Variants in PTPRN2 observed in about 807,000 individuals in gnomAD.
PTPRN2 encodes protein tyrosine phosphatase receptor type N2, also known as receptor-type tyrosine-protein phosphatase N2.
A neutral mutation model predicts 118.8 loss-of-function variants in PTPRN2; 74 were observed. The ratio of observed to expected loss-of-function variants is 0.62; its 90% CI spans 0.52 to 0.76. The LOEUF (loss-of-function observed/expected upper bound fraction) is 0.76, where lower values mean the gene tolerates loss of function less well. PTPRN2 is among the 30% of genes least tolerant of loss of function. PTPRN2 has a pLI of 0.00. For missense variants in PTPRN2, 1,481 were observed against 1,394.4 expected, an observed-to-expected ratio of 1.06 and a Z score of -0.99; for synonymous variants, 641 against 608.0, an observed-to-expected ratio of 1.05 and a Z score of -0.80.
At chr7:158,383,350 G>T (rs1811105559) in intron 2 of PTPRN2, among the ~76,000 whole-genome samples, 1 of 152,178 alleles carries the variant, frequency 6.6e-6, no homozygotes. Context: ...ATTTGCTTCA[G>T]AACAGAGCAA....
At chr7:158,248,619 TACACACGCAC>T (rs1563035078) in intron 3 of PTPRN2, among the ~76,000 whole-genome samples, 1 of 143,618 alleles carries the variant, frequency 7.0e-6, no homozygotes, top group Non-Finnish European at 1.5e-5. Flanking sequence ...TACATGCACA[TACACACGCAC>T]ACACACCACA....
intron 2 of PTPRN2, among the ~76,000 whole-genome samples, chr7:158,472,960 C>T (rs1449383241): frequency 1.3e-5 from 2 of 151,480 alleles, no homozygotes; most frequent in African/African-American, 4.9e-5. Context: ...GCCCACACTG[C>T]ACTGCTGAGC....
At chr7:157,720,932 G>A (rs1024232754) in intron 12 of PTPRN2, among the ~76,000 whole-genome samples, 6 of 152,194 alleles carry the variant, frequency 3.9e-5, no homozygotes, top group Admixed American at 1.3e-4. Context: ...AGCCCCTCGC[G>A]AGTTGAGGAA....
chr7:157,707,253 C>T (rs112173475), intron 12 of PTPRN2, among the ~76,000 whole-genome samples: 38,840 of 151,814 alleles, frequency 0.26, 5,451 homozygotes, highest in Non-Finnish European at 0.3. Context: ...TACACAGAAA[C>T]ACACACACCA....
At position 157,771,885 on chromosome 7, in the gene PTPRN2, CACAG is replaced by C. The variant is rs903950715; in HGVS notation, c.1789-88952_1789-88949del. 1.9e-4 allele frequency among the ~76,000 whole-genome samples: 28 copies of C among 150,270 alleles called. No individual in the cohort carries two copies. In the South Asian group the frequency reaches 5.6e-3, roughly 30 times the overall value. On this transcript the variant is annotated intron_variant, in intron 12 of 22. Transcript: ENST00000389418. ...GGAGACACAGGCACACATGAACACA[CACAG>C]ACACAGACACAAACACACACAGACA...
chr7:158,280,702 C>CT (rs1799367132), intron 3 of PTPRN2, among the ~76,000 whole-genome samples: 1 of 152,180 alleles, frequency 6.6e-6, no homozygotes, highest in African/African-American at 2.4e-5. Context: ...CATTAAACCC[C>CT]TTTTTTGCTG....
At chr7:158,406,738 C>T (rs1403421042) in intron 2 of PTPRN2, among the ~76,000 whole-genome samples, 1 of 152,254 alleles carries the variant, frequency 6.6e-6, no homozygotes, top group Non-Finnish European at 1.5e-5. Context: ...AAGTGGCTGA[C>T]TGCCTCCTGG....
chr7:158,197,591 A>G (rs1038853905), intron 4 of PTPRN2, among the ~76,000 whole-genome samples: 3 of 152,216 alleles, frequency 2.0e-5, no homozygotes, highest in Non-Finnish European at 4.4e-5. Context: ...CTGCTCATAA[A>G]GATATACCTG....
At chr7:158,113,761 C>T (rs908751276) in intron 9 of PTPRN2, among the ~76,000 whole-genome samples, 2 of 146,732 alleles carry the variant, frequency 1.4e-5, no homozygotes, top group Non-Finnish European at 3.1e-5. Context: ...AGAAAGCCAT[C>T]TGATGGCGTC....
Position 158,574,170 on chromosome 7 carries a change from C to T in PTPRN2, c.112+13388G>A, listed in dbSNP as rs1828199399. Among the ~76,000 whole-genome samples the T allele has an allele frequency of 6.6e-6, 1 of 152,140 alleles. No homozygotes were observed. Among genetic ancestry groups the T allele is most frequent in the Non-Finnish European group, 1.5e-5 (1 of 68,022 alleles). On this transcript the variant is annotated intron_variant, in intron 1 of 22. Transcript: ENST00000389418. This position sits in a 1 kb window ranked among gnomAD's most constrained non-coding sequence, Gnocchi z 4.6. ...TTTCAGTAGTGATGAGCACTGTTCTCAGCATATATTGTGCATCGAGACAGC... is the reference window on the plus strand; with the variant it reads ...TTTCAGTAGTGATGAGCACTGTTCTTAGCATATATTGTGCATCGAGACAGC...
intron 11 of PTPRN2, among the ~76,000 whole-genome samples, chr7:157,906,473 G>A (rs1797774740): frequency 6.6e-6 from 1 of 152,154 alleles, no homozygotes; most frequent in Admixed American, 6.5e-5. Context: ...ACTCTAGCAG[G>A]GCCATACGTG....
intron 13 of PTPRN2, among the ~76,000 whole-genome samples, chr7:157,670,182 T>C (rs1796340117): frequency 6.6e-6 from 1 of 152,142 alleles, no homozygotes; most frequent in Non-Finnish European, 1.5e-5. Context: ...TTGAATCTCC[T>C]GAAGCCCCTG....
At chr7:157,946,777 T>G (rs1585066546) in intron 11 of PTPRN2, among the ~76,000 whole-genome samples, 1 of 152,166 alleles carries the variant, frequency 6.6e-6, no homozygotes, top group African/African-American at 2.4e-5. Context: ...TGGAGGATGA[T>G]CCCAGAAGCC....
intron 11 of PTPRN2, among the ~76,000 whole-genome samples, chr7:157,993,033 G>A (rs1156623565): frequency 1.3e-5 from 2 of 152,206 alleles, no homozygotes; most frequent in Non-Finnish European, 2.9e-5. Context: ...AGCCCACGGG[G>A]TCTGCCCAGG....
chr7:158,514,139 C>T (rs964665312), intron 1 of PTPRN2, among the ~76,000 whole-genome samples: 2 of 152,194 alleles, frequency 1.3e-5, no homozygotes, highest in African/African-American at 4.8e-5. Flanking sequence ...CCAGGACTGA[C>T]ATAGAAGGAT....
chr7:157,544,959 T>C (rs1370656858), intron 22 of PTPRN2, among the ~76,000 whole-genome samples: 1 of 144,708 alleles, frequency 6.9e-6, no homozygotes, highest in Non-Finnish European at 1.5e-5. Flanking sequence ...TGTGGATGTG[T>C]GTGGGGGTGT....
intron 12 of PTPRN2, among the ~76,000 whole-genome samples, chr7:157,715,736 C>T (rs544317902): frequency 6.6e-5 from 10 of 152,332 alleles, no homozygotes; most frequent in South Asian, 6.2e-4. Flanking sequence ...AGCAGCACAT[C>T]GTGGAGGGCC....
intron 12 of PTPRN2, among the ~76,000 whole-genome samples, chr7:157,786,202 A>G (rs987201374): frequency 6.6e-6 from 1 of 152,194 alleles, no homozygotes; most frequent in Admixed American, 6.5e-5. Flanking sequence ...CGGCACAGGT[A>G]ATATTAACCA....
chr7:157,729,939 G>T lies in PTPRN2; in HGVS notation c.1789-47002C>A, dbSNP rs1799799105. Among the ~76,000 whole-genome samples, 2 of 152,208 alleles carry T rather than the reference G, an allele frequency of 1.3e-5. No individual in the cohort carries two copies. On this transcript the variant is annotated intron_variant, in intron 12 of 22. Transcript: ENST00000389418. This position sits in a 1 kb window ranked among gnomAD's most constrained non-coding sequence, Gnocchi z 4.3. ...TCGGAGGAGTCCAGCATTGGATTCAGTGGGCCAGGAACAGGGCATTCTTCT... is the reference window on the plus strand; with the variant it reads ...TCGGAGGAGTCCAGCATTGGATTCATTGGGCCAGGAACAGGGCATTCTTCT...
Sources: gnomAD v4.1 joint callset for allele counts (sites outside exome capture counted in the v4.1 genomes callset) on GRCh38, gnomAD v4.1.1 for gene constraint, Gnocchi (gnomAD v3.1) non-coding constraint, MANE v1.5 for transcripts, NCBI Gene and HGNC (gene_info 2026-07-23, HGNC 2026-07-21) for gene names.